The following CYFIP2 variants were observed in gnomAD, a reference collection of about 807,000 sequenced individuals.
CYFIP2 encodes the protein cytoplasmic FMR1-interacting protein 2.
CYFIP2 carries 29 observed loss-of-function variants against 158.7 expected under a neutral mutation model. The observed-to-expected ratio is 0.18, with a 90% confidence interval of 0.14 to 0.25. CYFIP2 has a LOEUF of 0.25. Among genes scored for constraint, CYFIP2 ranks in the 10% least tolerant of loss-of-function variants. The probability of loss-of-function intolerance (pLI) is 1.00; values close to 1 mark genes in which losing one functional copy is unlikely to be tolerated. For synonymous variants in CYFIP2, 585 were observed against 617.6 expected (o/e 0.95, Z 0.78); for missense variants, 852 against 1,639.5 (o/e 0.52, Z 8.29).
At chr5:157,319,311 G>C (rs529285951) in intron 13 of CYFIP2, among the ~76,000 whole-genome samples, 2 of 152,334 alleles carry the variant, frequency 1.3e-5, no homozygotes, top group African/African-American at 4.8e-5. Context: ...AAAAACAAAG[G>C]TTGTAAAAAT....
In CYFIP2 at chr5:157,287,084, G is replaced by A; in HGVS notation, c.183G>A (p.Glu61=). The A allele has an allele frequency of 6.2e-7, 1 of 1,613,368 alleles. No homozygotes were observed. Among genetic ancestry groups the A allele is most frequent in the Non-Finnish European group, 8.5e-7 (1 of 1,179,476 alleles). ...AFVTGIARYI[E]QATVHSSMNE... is the part of the protein sequence containing the mutation. ...TCACGGGCATTGCAAGGTACATTGA[G>A]CAGGCTACAGTCCACTCCAGCATGG... is the stretch of plus-strand genomic sequence containing the variant. Residue 61 remains glutamate, a synonymous_variant, in exon 3 of 31, where the codon GAG becomes GAA. Transcript: ENST00000620254.
At chr5:157,275,884 T>C (rs1005104370) in intron 1 of CYFIP2, among the ~76,000 whole-genome samples, 1 of 152,228 alleles carries the variant, frequency 6.6e-6, no homozygotes, top group African/African-American at 2.4e-5. Flanking sequence ...AGTTTATTTC[T>C]AAGTATTGTA....
chr5:157,384,721 C>T, intron 28 of CYFIP2: 1 of 344,428 alleles, frequency 2.9e-6, no homozygotes, highest in South Asian at 2.2e-5. Flanking sequence ...AGGCGGATCA[C>T]CTCAGGTCAG....
chr5:157,308,073 T>C (rs1039454753), intron 9 of CYFIP2, among the ~76,000 whole-genome samples: 2 of 151,976 alleles, frequency 1.3e-5, no homozygotes, highest in African/African-American at 4.8e-5. Context: ...CCTAGAAGGC[T>C]GCTGCATGAA....
chr5:157,372,629 C>T (rs902311581), intron 26 of CYFIP2, among the ~76,000 whole-genome samples: 2 of 152,074 alleles, frequency 1.3e-5, no homozygotes, highest in African/African-American at 2.4e-5. Flanking sequence ...ACATATATCC[C>T]GGAGCTACAT....
intron 18 of CYFIP2, among the ~76,000 whole-genome samples, chr5:157,327,243 C>A (rs11743919): frequency 2.6e-5 from 4 of 152,020 alleles, no homozygotes; most frequent in Non-Finnish European, 4.4e-5. Flanking sequence ...TGAAGGAAGG[C>A]GCTTTTAAAT....
At chr5:157,356,973 T>C (rs533721419) in intron 23 of CYFIP2, among the ~76,000 whole-genome samples, 1 of 152,338 alleles carries the variant, frequency 6.6e-6, no homozygotes, top group African/African-American at 2.4e-5. Context: ...TTCCATTTTA[T>C]CCCTATGTAA....
At chr5:157,329,910 G>A (rs986689837) in intron 19 of CYFIP2, among the ~76,000 whole-genome samples, 60 of 152,312 alleles carry the variant, frequency 3.9e-4, no homozygotes, top group Non-Finnish European at 7.4e-5. Flanking sequence ...ACTATGGCCT[G>A]TGTGGCCCTA....
chr5:157,324,811 A>C (rs1369188787), intron 16 of CYFIP2: 1 of 148,198 alleles, frequency 6.7e-6, no homozygotes, highest in Non-Finnish European at 1.5e-5. Flanking sequence ...GTGCAGTGGC[A>C]CTATCTCAGC....
intron 18 of CYFIP2, among the ~76,000 whole-genome samples, chr5:157,327,232 T>C (rs1464933619): frequency 6.6e-6 from 1 of 152,196 alleles, no homozygotes; most frequent in Non-Finnish European, 1.5e-5. Context: ...TAAGCAAAGT[T>C]TGAAGGAAGG....
At chr5:157,327,803 C>A in intron 18 of CYFIP2, 170 bp from the exon 19 acceptor site, 1 of 614,258 alleles carries the variant, frequency 1.6e-6, no homozygotes, top group African/African-American at 1.9e-5. Context: ...ACCCTGAGAG[C>A]AAGGGACCAA....
At chr5:157,338,621 C>T (rs928006967) in intron 21 of CYFIP2, among the ~76,000 whole-genome samples, 2 of 152,154 alleles carry the variant, frequency 1.3e-5, no homozygotes, top group Non-Finnish European at 2.9e-5. Context: ...GCAAAATTGC[C>T]AATATTTGGC....
In CYFIP2 at chr5:157,274,203, C is replaced by A. The variant is rs542363939; in HGVS notation, c.-24+8008C>A. ...GAGTTGTACAACCCATAATCGTAGT[C>A]AGTTTTAGAGCATTTTAGCACCCCA... On this transcript the variant is annotated intron_variant, in intron 1 of 30. Coordinates refer to ENST00000620254, the MANE Select transcript of CYFIP2 (RefSeq NM_001037333.3). Among the ~76,000 whole-genome samples, 6 of 151,434 alleles carry A rather than the reference C, an allele frequency of 4.0e-5. No individual in the cohort carries two copies. The South Asian group carries it at 1.3e-3, about 32-fold the overall frequency.
intron 3 of CYFIP2, among the ~76,000 whole-genome samples, chr5:157,288,148 A>G (rs956811945): frequency 1.3e-5 from 2 of 152,154 alleles, no homozygotes; most frequent in Admixed American, 1.3e-4. Context: ...GGAAAGTCCA[A>G]GATTGAGGGG....
intron 26 of CYFIP2, among the ~76,000 whole-genome samples, chr5:157,367,687 GA>G (rs1350470815): frequency 6.7e-6 from 1 of 149,022 alleles, no homozygotes; most frequent in Non-Finnish European, 1.5e-5. Context: ...TTCATTGATT[GA>G]AAACTCAGAG....
chr5:157,285,001 C>T (rs1757263865), intron 1 of CYFIP2, among the ~76,000 whole-genome samples: 2 of 152,116 alleles, frequency 1.3e-5, no homozygotes, highest in South Asian at 4.1e-4. Flanking sequence ...ACTTGAGGTC[C>T]CTCGCTTGTG....
chr5:157,359,270 G>T, intron 24 of CYFIP2, 122 bp downstream of exon 24: 1 of 1,102,602 alleles, frequency 9.1e-7, no homozygotes, highest in Non-Finnish European at 1.3e-6. Context: ...TCTACCTGTA[G>T]AAACCACTCA....
Position 157,309,832 on chromosome 5 carries a change from C to T in CYFIP2, c.990C>T (p.Ser330=), listed in dbSNP as rs1288323261. The T allele has an allele frequency of 5.0e-6, 8 of 1,589,088 alleles. No homozygotes were observed. Among genetic ancestry groups the T allele is most frequent in the Non-Finnish European group, 6.8e-6 (8 of 1,168,288 alleles). ...KTSAHYEENK[S]KWTCTQSSIS... is the part of the protein sequence containing the mutation. ...GTGCTCACTATGAAGAGAACAAGTC[C>T]AAGTGAGTGCCTGCCGTAATGTCTC... Residue 330 remains serine (S), a splice_region_variant and synonymous_variant, in exon 10 of 31, where the codon TCC becomes TCT. Coordinates refer to ENST00000620254, the MANE Select transcript of CYFIP2 (RefSeq NM_001037333.3).
rs535238963 is a variant in CYFIP2 at position 157,327,031 on chromosome 5, T to C, written c.2079+764T>C. ...AAATCTGACAGTAAATAGGATCTGT[T>C]TCCTTTGACTCTTACCTAGCTACTG... On this transcript the variant is annotated intron_variant, in intron 18 of 30. Coordinates refer to ENST00000620254, the MANE Select transcript of CYFIP2 (RefSeq NM_001037333.3). 2.6e-5 allele frequency among the ~76,000 whole-genome samples: 4 copies of C among 152,322 alleles called. No homozygotes were observed. In the East Asian group the frequency reaches 7.7e-4, roughly 29 times the overall value.
Sources: gnomAD v4.1 joint callset for allele counts (sites outside exome capture counted in the v4.1 genomes callset) on GRCh38, gnomAD v4.1.1 for gene constraint, MANE v1.5 for transcripts, NCBI Gene and HGNC (gene_info 2026-07-23, HGNC 2026-07-21) for gene names.